Variants in JMJD1C observed in about 807,000 individuals in gnomAD.
JMJD1C encodes jumonji domain containing 1C.
In JMJD1C, 31 loss-of-function variants were observed where a neutral mutation model predicts 245.3. The observed-to-expected ratio is 0.13, with a 90% CI of 0.09 to 0.17. JMJD1C has a LOEUF of 0.17. Among genes scored for constraint, JMJD1C ranks in the 10% least tolerant of loss-of-function variants. JMJD1C has a pLI of 1.00. For synonymous variants in JMJD1C, 1,057 were observed against 1,017.4 expected (o/e 1.04, Z -0.74); for missense variants, 2,691 against 3,000.2 (o/e 0.90, Z 2.41).
intron 10 of JMJD1C, chr10:63,204,030 G>A (rs1324265033): frequency 2.1e-6 from 2 of 962,018 alleles, no homozygotes; most frequent in Non-Finnish European, 2.5e-6. Flanking sequence ...CAGGAGGATT[G>A]CCTGAGCCCA....
At chr10:63,218,264 T>C (rs1322508205) in intron 4 of JMJD1C, among the ~76,000 whole-genome samples, 2 of 152,088 alleles carry the variant, frequency 1.3e-5, no homozygotes, top group Admixed American at 1.3e-4. Context: ...CTGATATTCC[T>C]TCTTCTACAG....
rs375734268 is a variant in JMJD1C at position 63,414,133 on chromosome 10, T to C, written c.169-33651A>G. On this transcript the variant is annotated intron_variant, in intron 1 of 25. Coordinates refer to ENST00000399262, the MANE Select transcript of JMJD1C (RefSeq NM_032776.3). ...TCCCGAGTAGCTGGGACTGCAGGTG[T>C]CCGCCAACACGCCCAGCTAATTTTT... is the stretch of plus-strand genomic sequence containing the variant. 3.3e-5 allele frequency among the ~76,000 whole-genome samples: 5 copies of C among 151,962 alleles called. No homozygotes were observed. The East Asian group carries it at 7.8e-4, about 24-fold the overall frequency.
chr10:63,268,510 T>C (rs1363001707), intron 2 of JMJD1C, among the ~76,000 whole-genome samples: 1 of 152,212 alleles, frequency 6.6e-6, no homozygotes, highest in African/African-American at 2.4e-5. Context: ...AATAAACCTT[T>C]TTAAACAAAT....
At chr10:63,357,580 A>G (rs1206421218) in intron 2 of JMJD1C, among the ~76,000 whole-genome samples, 1 of 152,156 alleles carries the variant, frequency 6.6e-6, no homozygotes, top group East Asian at 1.9e-4. Context: ...TGCTGGGATT[A>G]CAGGTATGAG....
chr10:63,459,926 G>A (rs1001416238), intron 1 of JMJD1C, among the ~76,000 whole-genome samples: 4 of 152,104 alleles, frequency 2.6e-5, no homozygotes, highest in Admixed American at 6.5e-5. Flanking sequence ...TCCTGCTACC[G>A]TGTCAATACT....
At chr10:63,400,821 C>G (rs1466024910) in intron 1 of JMJD1C, among the ~76,000 whole-genome samples, 1 of 151,620 alleles carries the variant, frequency 6.6e-6, no homozygotes, top group Admixed American at 6.6e-5. Flanking sequence ...ATCCACCCAC[C>G]TTCGCCTCCC....
chr10:63,387,172 C>A (rs986656981), intron 1 of JMJD1C, among the ~76,000 whole-genome samples: 16 of 152,156 alleles, frequency 1.1e-4, no homozygotes, highest in Non-Finnish European at 1.9e-4. Context: ...GGAAAAATTC[C>A]TCCCCTATGA....
intron 2 of JMJD1C, among the ~76,000 whole-genome samples, chr10:63,357,809 A>G (rs1490291392): frequency 7.7e-6 from 1 of 129,910 alleles, no homozygotes; most frequent in Non-Finnish European, 1.6e-5. Context: ...TAAAATGTCA[A>G]AAGACACAGA....
intron 2 of JMJD1C, among the ~76,000 whole-genome samples, chr10:63,357,694 G>A (rs1025505224): frequency 3.3e-5 from 5 of 151,888 alleles, no homozygotes; most frequent in African/African-American, 7.3e-5. Context: ...TGTGTCAGAC[G>A]GCAGAGATTC....
chr10:63,359,372 C>T (rs1035221512), intron 2 of JMJD1C, among the ~76,000 whole-genome samples: 2 of 152,154 alleles, frequency 1.3e-5, no homozygotes, highest in Non-Finnish European at 2.9e-5. Flanking sequence ...AGAATTTATC[C>T]TACTAACTTT....
At chr10:63,415,293 T>C (rs1437531607) in intron 1 of JMJD1C, among the ~76,000 whole-genome samples, 1 of 152,128 alleles carries the variant, frequency 6.6e-6, no homozygotes, top group African/African-American at 2.4e-5. Context: ...GCTGCCAGTT[T>C]ACTAAATTAT....
At chr10:63,466,782 GA>G (rs200090709), upstream of JMJD1C, among the ~76,000 whole-genome samples, 24 of 146,768 alleles carry the variant, frequency 1.6e-4, no homozygotes, top group African/African-American at 5.1e-4. Flanking sequence ...CACAATTCAA[GA>G]AAAAAAATAT....
chr10:63,183,661 A>C, intron 21 of JMJD1C, 92 bp from the exon 22 acceptor site: 1 of 693,196 alleles, frequency 1.4e-6, no homozygotes, highest in Non-Finnish European at 2.2e-6. Context: ...GATCTGCATA[A>C]TTTAATTGTA....
At chr10:63,451,811 A>T (rs1437208586) in intron 1 of JMJD1C, among the ~76,000 whole-genome samples, 3 of 152,200 alleles carry the variant, frequency 2.0e-5, no homozygotes, top group African/African-American at 4.8e-5. Flanking sequence ...ATAATTTTTG[A>T]AAAAGGTGCC....
At chr10:63,408,713 GT>G (rs58262465) in intron 1 of JMJD1C, among the ~76,000 whole-genome samples, 6,322 of 142,910 alleles carry the variant, frequency 0.044, 322 homozygotes, top group East Asian at 0.29. Flanking sequence ...ATGTAGGGTG[GT>G]TTTTTTTTTT....
intron 2 of JMJD1C, among the ~76,000 whole-genome samples, chr10:63,293,824 C>A (rs1423583535): frequency 6.6e-6 from 1 of 151,800 alleles, no homozygotes; most frequent in African/African-American, 2.4e-5. Flanking sequence ...GGCTCCACTT[C>A]TTCACAACCC....
In JMJD1C at chr10:63,441,991, T is replaced by C. The variant is rs748632493; in HGVS notation, c.168+23504A>G. Among the ~76,000 whole-genome samples, 3 of 152,240 alleles carry C rather than the reference T, an allele frequency of 2.0e-5. No individual in the cohort carries two copies. In the South Asian group the frequency reaches 6.2e-4, roughly 31 times the overall value. On this transcript the variant is annotated intron_variant, in intron 1 of 25. Coordinates refer to ENST00000399262, the MANE Select transcript of JMJD1C (RefSeq NM_032776.3). ...AAGAATATTTATATAGCACCTGTTA[T>C]TTGTAAAGCACTGTTCTGTGGACTA...
chr10:63,321,744 T>C (rs949230163), intron 2 of JMJD1C, among the ~76,000 whole-genome samples: 8 of 152,138 alleles, frequency 5.3e-5, no homozygotes, highest in African/African-American at 1.4e-4. Flanking sequence ...TCTGATACTT[T>C]ACAAGTGTAC....
intron 1 of JMJD1C, among the ~76,000 whole-genome samples, chr10:63,386,841 C>T (rs923405404): frequency 2.0e-5 from 3 of 152,206 alleles, no homozygotes; most frequent in Admixed American, 1.3e-4. Context: ...GGCACCCAAG[C>T]AAGCTGCCTG....
Sources: gnomAD v4.1 joint callset for allele counts (sites outside exome capture counted in the v4.1 genomes callset) on GRCh38, gnomAD v4.1.1 for gene constraint, MANE v1.5 for transcripts, NCBI Gene and HGNC (gene_info 2026-07-23, HGNC 2026-07-21) for gene names.